The following FBN2 variants were observed in gnomAD, a reference collection of about 807,000 sequenced individuals.
FBN2 encodes fibrillin 2.
Under a neutral mutation model 355.6 loss-of-function variants are expected in FBN2, and 105 were observed. That is an observed-to-expected ratio of 0.30 (90% CI 0.25 to 0.35). The LOEUF is 0.35. Among genes scored for constraint, FBN2 ranks in the 10% least tolerant of loss-of-function variants. FBN2 has a pLI of 1.00. For missense variants in FBN2, 3,280 were observed against 3,758.7 expected (o/e 0.87, Z 3.33); for synonymous variants, 1,350 against 1,301.2 (o/e 1.04, Z -0.81).
intron 53 of FBN2, among the ~76,000 whole-genome samples, 193 bp from the exon 54 acceptor site, chr5:128,287,623 T>C (rs770316740): frequency 2.0e-5 from 3 of 152,130 alleles, no homozygotes; most frequent in Non-Finnish European, 2.9e-5. Context: ...GGAAAGAATA[T>C]AAAAAGTACC....
At position 128,516,985 on chromosome 5, in the gene FBN2, A is replaced by G. The variant is rs545276461; in HGVS notation, c.628+2288T>C. Among the ~76,000 whole-genome samples the G allele has an allele frequency of 1.1e-4, 16 of 152,336 alleles. No homozygotes were observed. The South Asian group carries it at 3.1e-3, about 30-fold the overall frequency. ...AATGAAGCTTTAGAACTTCCATCTG[A>G]AGAGTAGTAAGTAATAAGACTTTTA... is the stretch of plus-strand genomic sequence containing the variant. On this transcript the variant is annotated intron_variant, in intron 5 of 64. Transcript: ENST00000262464.
chr5:128,434,406 A>ATG lies in FBN2; in HGVS notation c.952+12074_952+12075insCA, dbSNP rs1344667744. Reference sequence around the variant, plus strand: ...GTGAATAAAGTGTGTATATATATATATATATATATATATATATATGGGCAG... The same window carrying ATG: ...GTGAATAAAGTGTGTATATATATATATGTATATATATATATATATATGGGCAG... On this transcript the variant is annotated intron_variant, in intron 7 of 64. Transcript: ENST00000262464. Among the ~76,000 whole-genome samples the ATG allele has an allele frequency of 8.1e-3, 846 of 105,020 alleles. 78 individuals are homozygous for ATG. The highest frequency in any genetic ancestry group is 0.028 in the African/African-American group (760 of 26,678). 68.9% of individuals were successfully genotyped at this position (105,020 alleles called of 152,430 possible). A position where few individuals can be genotyped will look rare whatever the true frequency, so the allele number is the denominator to read the frequency against.
intron 2 of FBN2, among the ~76,000 whole-genome samples, chr5:128,533,182 C>T (rs1442814759): frequency 6.6e-6 from 1 of 152,194 alleles, no homozygotes; most frequent in East Asian, 1.9e-4. Context: ...AGTAACTCTC[C>T]AATGACAAAT....
chr5:128,419,714 A>T (rs565204993), intron 7 of FBN2, among the ~76,000 whole-genome samples: 1 of 152,198 alleles, frequency 6.6e-6, no homozygotes, highest in Admixed American at 6.5e-5. Context: ...GTTTTGAGAC[A>T]AGAGTTTTGC....
rs759648926 is a variant in FBN2, at chr5:128,289,263, G to T, written c.6512-11C>A. 7.4e-6 allele frequency: 12 copies of T among 1,613,530 alleles called. No homozygotes were observed. Among genetic ancestry groups the T allele is most frequent in the Admixed American group, 6.7e-5 (4 of 59,998 alleles). ...GACACTCATTGACATCTAAAATATA[G>T]AACTGCATGTGAATTTCCTCATATA... is the stretch of plus-strand genomic sequence containing the variant. On this transcript the variant is annotated splice_polypyrimidine_tract_variant and intron_variant, in intron 51 of 64. Transcript: ENST00000262464.
chr5:128,286,809 A>T lies in FBN2; in HGVS notation c.6921T>A (p.Ser2307=), dbSNP rs144225466. 1.9e-6 allele frequency: 3 copies of T among 1,613,920 alleles called. No individual in the cohort carries two copies. Among genetic ancestry groups the T allele is most frequent in the Non-Finnish European group, 2.5e-6 (3 of 1,179,866 alleles). The change falls in exon 55 of 65, where the codon TCT becomes TCA. Residue 2307 remains serine (S), a synonymous_variant. Coordinates refer to ENST00000262464, the MANE Select transcript of FBN2 (RefSeq NM_001999.4). ...ECAEGLHDCE[S]RGMMCKNLIG... ...TTAGATTCTTACACATCATGCCCCT[A>T]GATTCACAGTCGTGTAACCCTTCAG...
chr5:128,537,367 C>G lies in FBN2; in HGVS notation c.237G>C (p.Gln79His). 1 of 1,610,828 alleles carries G rather than the reference C, an allele frequency of 6.2e-7. No homozygotes were observed. Among genetic ancestry groups the G allele is most frequent in the Non-Finnish European group, 8.5e-7 (1 of 1,179,812 alleles). The change falls in exon 1 of 65, where the codon CAG (glutamine) becomes CAC (histidine). Residue 79 changes from glutamine to histidine, a missense_variant. Transcript: ENST00000262464. ...CCACTTACCCTCGGAGCACGTCCTGCTGTCCTCGCCGGCGGACGCGGCTGG... is the reference window on the plus strand; with the variant it reads ...CCACTTACCCTCGGAGCACGTCCTGGTGTCCTCGCCGGCGGACGCGGCTGG... ...AVASRVRRRG[Q>H]QDVLRGPNVC...
At chr5:128,484,840 A>G (rs7721622) in intron 5 of FBN2, among the ~76,000 whole-genome samples, 75,478 of 151,934 alleles carry the variant, frequency 0.5, 21,996 homozygotes, top group African/African-American at 0.82. Flanking sequence ...GCTCTTGTGC[A>G]CTCCGTAGCC....
intron 14 of FBN2, 56 bp from the exon 15 acceptor site, chr5:128,374,806 A>AAT: frequency 6.2e-7 from 1 of 1,603,258 alleles, no homozygotes; most frequent in Non-Finnish European, 8.5e-7. Flanking sequence ...ACGTTATTAC[A>AAT]GGGTTTACTT....
At chr5:128,532,831 A>C (rs1371432869) in intron 2 of FBN2, among the ~76,000 whole-genome samples, 2 of 152,172 alleles carry the variant, frequency 1.3e-5, no homozygotes, top group African/African-American at 4.8e-5. Flanking sequence ...GGATCACTTG[A>C]GCCTAGAAGT....
chr5:128,381,580 A>C (rs75867569), intron 11 of FBN2, among the ~76,000 whole-genome samples: 16,198 of 152,104 alleles, frequency 0.11, 989 homozygotes, highest in African/African-American at 0.15. Context: ...AGTGATCAAA[A>C]ATTGAATTAG....
intron 4 of FBN2, among the ~76,000 whole-genome samples, chr5:128,520,603 G>A (rs565045350): frequency 8.3e-4 from 127 of 152,206 alleles, no homozygotes; most frequent in Middle Eastern, 6.8e-3. Flanking sequence ...ATGTTGAACC[G>A]GATAGATTGC....
At chr5:128,440,941 G>A (rs1453033048) in intron 7 of FBN2, among the ~76,000 whole-genome samples, 1 of 152,300 alleles carries the variant, frequency 6.6e-6, no homozygotes, top group East Asian at 1.9e-4. Context: ...GCTATTATGA[G>A]TGCAGTGCTT....
At chr5:128,533,475 C>A (rs959716425) in intron 2 of FBN2, among the ~76,000 whole-genome samples, 1 of 152,192 alleles carries the variant, frequency 6.6e-6, no homozygotes, top group Non-Finnish European at 1.5e-5. Context: ...CCCACAATTA[C>A]TAAAACTATG....
chr5:128,453,713 C>A (rs1269488717), intron 6 of FBN2, among the ~76,000 whole-genome samples: 2 of 151,898 alleles, frequency 1.3e-5, no homozygotes, highest in African/African-American at 4.8e-5. Flanking sequence ...GCAGCCATTT[C>A]CTGCTGAAAT....
In FBN2 at chr5:128,444,054, C is replaced by CTTTTTTT. The variant is rs35768962; in HGVS notation, c.952+2420_952+2426dup. On this transcript the variant is annotated intron_variant, in intron 7 of 64. Coordinates refer to ENST00000262464, the MANE Select transcript of FBN2 (RefSeq NM_001999.4). ...TTTATATAAGCAAATATCACTTGTTCTTTTTTTTTTTTTTTTTTTTTTTTT... is the reference window on the plus strand; with the variant it reads ...TTTATATAAGCAAATATCACTTGTTCTTTTTTTTTTTTTTTTTTTTTTTTTTTTTTTT... Among the ~76,000 whole-genome samples the CTTTTTTT allele has an allele frequency of 7.7e-3, 503 of 65,648 alleles. 39 individuals are homozygous for CTTTTTTT. Among genetic ancestry groups the CTTTTTTT allele is most frequent in the African/African-American group, 0.014 (219 of 16,204 alleles). 43.1% of individuals were successfully genotyped at this position (65,648 alleles called of 152,430 possible).
intron 62 of FBN2, among the ~76,000 whole-genome samples, chr5:128,269,025 G>T (rs1561739191): frequency 6.6e-6 from 1 of 152,038 alleles, no homozygotes; most frequent in Admixed American, 6.6e-5. Flanking sequence ...TCTGGCCAGG[G>T]CAATCAGGCA....
At chr5:128,327,540 T>C (rs531714702) in intron 34 of FBN2, among the ~76,000 whole-genome samples, 94 of 151,714 alleles carry the variant, frequency 6.2e-4, no homozygotes, top group African/African-American at 2.2e-3. Context: ...TTTAATATGT[T>C]TCATTTTATC....
chr5:128,425,374 C>G (rs2127022203), intron 7 of FBN2, among the ~76,000 whole-genome samples: 1 of 152,158 alleles, frequency 6.6e-6, no homozygotes, highest in East Asian at 1.9e-4. Context: ...TAATGTTGGG[C>G]AAAATCTAAA....
Sources: allele counts gnomAD v4.1 joint callset (sites outside exome capture counted in the v4.1 genomes callset), GRCh38; gene constraint gnomAD v4.1.1; transcripts MANE v1.5; gene names NCBI Gene and HGNC (gene_info 2026-07-23, HGNC 2026-07-21).